Variants in SLC9A9 observed in about 807,000 individuals in gnomAD.
SLC9A9 encodes solute carrier family 9 member A9.
A neutral mutation model predicts 77.8 loss-of-function variants in SLC9A9; 62 were observed. The ratio of observed to expected loss-of-function variants is 0.80; its 90% CI spans 0.65 to 0.98. SLC9A9 has a LOEUF of 0.98. Ranked by LOEUF, SLC9A9 falls within the 50% of genes least tolerant of loss-of-function variation. The pLI is 0.00. For synonymous variants in SLC9A9, 320 were observed against 283.5 expected (o/e 1.13, Z -1.29); for missense variants, 775 against 774.9 (o/e 1.00, Z 0.00).
chr3:143,721,987 T>G (rs1934510412), intron 4 of SLC9A9, among the ~76,000 whole-genome samples: 1 of 152,076 alleles, frequency 6.6e-6, no homozygotes, highest in Non-Finnish European at 1.5e-5. Context: ...ATTTTAAAGA[T>G]GGCTTTCAAG....
Position 143,621,288 on chromosome 3 carries a change from T to G in SLC9A9, c.755+30967A>C, listed in dbSNP as rs113123939. Among the ~76,000 whole-genome samples, 979 of 152,304 alleles carry G rather than the reference T, an allele frequency of 6.4e-3. 12 individuals carry two copies. The highest frequency in any genetic ancestry group is 0.022 in the African/African-American group (900 of 41,568). On this transcript the variant is annotated intron_variant, in intron 6 of 15. Coordinates refer to ENST00000316549, the MANE Select transcript of SLC9A9 (RefSeq NM_173653.4). The stretch of plus-strand genomic sequence containing the variant: ...AGTAGTGGTTCTCCCAGCATGCAGC[T>G]GGAGATCTGAGAACGGACAGACTGC...
intron 12 of SLC9A9, among the ~76,000 whole-genome samples, chr3:143,426,107 G>C (rs1176044540): frequency 6.6e-6 from 1 of 152,050 alleles, no homozygotes; most frequent in African/African-American, 2.4e-5. Flanking sequence ...ATCGTTAAGT[G>C]CCCAAGAATC....
intron 13 of SLC9A9, among the ~76,000 whole-genome samples, chr3:143,374,221 C>T (rs561413222): frequency 4.0e-4 from 60 of 151,842 alleles, no homozygotes; most frequent in Admixed American, 7.9e-4. Context: ...GTCAGGAGAT[C>T]GAGACCATCC....
At chr3:143,602,496 C>T (rs138499239) in intron 6 of SLC9A9, among the ~76,000 whole-genome samples, 2 of 152,286 alleles carry the variant, frequency 1.3e-5, no homozygotes, top group African/African-American at 4.8e-5. Flanking sequence ...AATTCTTTTA[C>T]CCTCTAGACA....
At chr3:143,437,079 C>T (rs1161115942) in intron 12 of SLC9A9, among the ~76,000 whole-genome samples, 1 of 152,166 alleles carries the variant, frequency 6.6e-6, no homozygotes, top group East Asian at 1.9e-4. Flanking sequence ...AACCTATTTC[C>T]CCCACCAGAC....
intron 6 of SLC9A9, among the ~76,000 whole-genome samples, chr3:143,621,777 C>T (rs11928337): frequency 0.028 from 4,320 of 152,180 alleles, 187 homozygotes; most frequent in African/African-American, 0.098. Context: ...ATGACTTTGA[C>T]GAGTTGAGAG....
chr3:143,573,776 C>T (rs1210776655), intron 8 of SLC9A9, among the ~76,000 whole-genome samples: 1 of 152,142 alleles, frequency 6.6e-6, no homozygotes, highest in Admixed American at 6.5e-5. Flanking sequence ...TTCACACTCT[C>T]AATGAAGACT....
At chr3:143,495,019 A>G (rs760448552) in intron 10 of SLC9A9, among the ~76,000 whole-genome samples, 1 of 152,244 alleles carries the variant, frequency 6.6e-6, no homozygotes, top group Non-Finnish European at 1.5e-5. Flanking sequence ...GAATACACAG[A>G]CATAATTTTT....
At chr3:143,673,121 A>T (rs186509459) in intron 5 of SLC9A9, among the ~76,000 whole-genome samples, 95 of 152,370 alleles carry the variant, frequency 6.2e-4, no homozygotes, top group African/African-American at 1.8e-3. Context: ...AGTACAGTGT[A>T]TAGAAATGCC....
rs1027431991 is a variant in SLC9A9 at position 143,552,263 on chromosome 3, C to G, written c.1089+99G>C. 4.0e-5 allele frequency: 33 copies of G among 823,474 alleles called. No homozygotes were observed. The South Asian group carries it at 5.9e-4, about 15-fold the overall frequency. 51.0% of individuals were successfully genotyped at this position (823,474 alleles called of 1,614,324 possible). On this transcript the variant is annotated intron_variant, in intron 9 of 15. Transcript: ENST00000316549. Reference sequence around the variant, plus strand: ...ATGAAGCCTTAAGCTTACATTCTTCCTTTACTAATGAAACTCTTTCTGACT... The same window carrying G: ...ATGAAGCCTTAAGCTTACATTCTTCGTTTACTAATGAAACTCTTTCTGACT...
chr3:143,750,061 C>CGGG (rs2006658576), intron 4 of SLC9A9, among the ~76,000 whole-genome samples: 1 of 152,076 alleles, frequency 6.6e-6, no homozygotes, highest in Non-Finnish European at 1.5e-5. Flanking sequence ...ATAAAAGCTC[C>CGGG]GGGCAGACAC....
chr3:143,497,962 A>AT (rs1414678205), intron 9 of SLC9A9, among the ~76,000 whole-genome samples: 1 of 151,934 alleles, frequency 6.6e-6, no homozygotes, highest in Non-Finnish European at 1.5e-5. Flanking sequence ...TTTTGTTTTG[A>AT]TTTTTTCTAT....
At position 143,451,817 on chromosome 3, in the gene SLC9A9, C is replaced by T. The variant is rs146479148; in HGVS notation, c.1469+15220G>A. Among the ~76,000 whole-genome samples, 1,028 of 152,088 alleles carry T rather than the reference C, an allele frequency of 6.8e-3. 4 individuals are homozygous for T. Among genetic ancestry groups the T allele is most frequent in the Non-Finnish European group, 0.011 (763 of 67,964 alleles). On this transcript the variant is annotated intron_variant, in intron 12 of 15. Transcript: ENST00000316549. ...TTTGGGATAAGACATATCAGAGTAA[C>T]GCAAAGGCAAATTTGAGTATTTCCT...
intron 11 of SLC9A9, among the ~76,000 whole-genome samples, chr3:143,472,486 C>T (rs2035395280): frequency 6.6e-6 from 1 of 152,160 alleles, no homozygotes; most frequent in African/African-American, 2.4e-5. Context: ...TAACCCTCAT[C>T]AAAACTTCAC....
In SLC9A9 at chr3:143,695,452, T is replaced by C. The variant is rs112030810; in HGVS notation, c.534-2145A>G. On this transcript the variant is annotated intron_variant, in intron 4 of 15. Coordinates refer to ENST00000316549, the MANE Select transcript of SLC9A9 (RefSeq NM_173653.4). Reference sequence around the variant, plus strand: ...CATGCGGTGTTTGGTTTTCTGTTCCTGTGTTAGTTTGCTGAGAATGATGGT... The same window carrying C: ...CATGCGGTGTTTGGTTTTCTGTTCCCGTGTTAGTTTGCTGAGAATGATGGT... Among the ~76,000 whole-genome samples the C allele has an allele frequency of 9.2e-5, 14 of 152,286 alleles. 1 individual carries two copies. The highest frequency in any genetic ancestry group is 3.4e-3 in the Middle Eastern group (1 of 294).
At chr3:143,295,045 C>G (rs1026939542) in intron 14 of SLC9A9, among the ~76,000 whole-genome samples, 2 of 152,154 alleles carry the variant, frequency 1.3e-5, no homozygotes, top group Non-Finnish European at 2.9e-5. Context: ...CTCTGGCATG[C>G]CCATGAGCTG....
intron 6 of SLC9A9, among the ~76,000 whole-genome samples, chr3:143,611,449 C>G (rs537120467): frequency 1.3e-5 from 2 of 151,958 alleles, no homozygotes; most frequent in Non-Finnish European, 2.9e-5. Flanking sequence ...TGAGTAGAAA[C>G]GAGCATTATA....
chr3:143,378,679 C>A (rs1466730180), intron 13 of SLC9A9, among the ~76,000 whole-genome samples: 2 of 152,166 alleles, frequency 1.3e-5, no homozygotes, highest in Non-Finnish European at 2.9e-5. Flanking sequence ...TACAAGGAAT[C>A]AATTACAAGG....
At chr3:143,643,713 A>T (rs1170947634) in intron 6 of SLC9A9, among the ~76,000 whole-genome samples, 4 of 152,122 alleles carry the variant, frequency 2.6e-5, no homozygotes, top group Admixed American at 2.6e-4. Flanking sequence ...ATTTTAATCC[A>T]CCATGTTCTG....
Sources: gnomAD v4.1 joint callset for allele counts (sites outside exome capture counted in the v4.1 genomes callset) on GRCh38, gnomAD v4.1.1 for gene constraint, MANE v1.5 for transcripts, NCBI Gene and HGNC (gene_info 2026-07-23, HGNC 2026-07-21) for gene names.